RSF1: variants seen among roughly 807,000 people sequenced by gnomAD.
RSF1 encodes HBV pX-associated protein 8.
Under a neutral mutation model 145.2 loss-of-function variants are expected in RSF1, and 13 were observed. The observed-to-expected ratio is 0.09, with a 90% CI of 0.06 to 0.14. The LOEUF is 0.14. Ranked by LOEUF, RSF1 falls within the 10% of genes least tolerant of loss-of-function variation. The pLI, the probability that RSF1 is intolerant of heterozygous loss-of-function variation, is 1.00. For missense variants in RSF1, 1,517 were observed against 1,718.2 expected, an observed-to-expected ratio of 0.88 and a Z score of 2.07; for synonymous variants, 577 against 592.6, an observed-to-expected ratio of 0.97 and a Z score of 0.38.
chr11:77,772,353 G>A (rs943173273), intron 1 of RSF1, among the ~76,000 whole-genome samples: 2 of 151,888 alleles, frequency 1.3e-5, no homozygotes, highest in African/African-American at 4.8e-5. Flanking sequence ...TAATTTTTTT[G>A]TGTACAGACA....
intron 3 of RSF1, among the ~76,000 whole-genome samples, chr11:77,742,006 G>A (rs1947944698): frequency 6.6e-6 from 1 of 152,124 alleles, no homozygotes; most frequent in Non-Finnish European, 1.5e-5. Context: ...GTGTTGTCAC[G>A]AAAGCAGGAA....
chr11:77,665,396 G>C lies in RSF1; in HGVS notation c.*1521C>G, dbSNP rs1959336665. 6.6e-6 allele frequency: 1 copy of C among 152,186 alleles called. No individual in the cohort carries two copies. Among genetic ancestry groups the C allele is most frequent in the Non-Finnish European group, 1.5e-5 (1 of 68,050 alleles). 9.4% of individuals were successfully genotyped at this position (152,186 alleles called of 1,614,324 possible). ...AGTATTCACAGAAGTAATGGTTGAA[G>C]GTTTCAGGATTTAACAGGCTAGGTT... On this transcript the variant is annotated 3_prime_UTR_variant, in exon 16 of 16. Transcript: ENST00000308488.
At chr11:77,674,293 A>G (rs187337762) in intron 14 of RSF1, among the ~76,000 whole-genome samples, 6 of 152,356 alleles carry the variant, frequency 3.9e-5, no homozygotes, top group Admixed American at 3.3e-4. Context: ...CAATTTGCCA[A>G]TTACATAAAG....
At chr11:77,705,233 AG>A (rs1960520602) in intron 5 of RSF1, among the ~76,000 whole-genome samples, 1 of 152,256 alleles carries the variant, frequency 6.6e-6, no homozygotes, top group African/African-American at 2.4e-5. Context: ...GTTTGTCAAA[AG>A]AAAGTTGTAA....
intron 2 of RSF1, among the ~76,000 whole-genome samples, chr11:77,756,373 A>G (rs1008663187): frequency 1.3e-5 from 2 of 152,018 alleles, no homozygotes; most frequent in East Asian, 1.9e-4. Flanking sequence ...AAAAAAAAAA[A>G]AAAGAAAAAC....
At chr11:77,802,796 C>T (rs1450771782) in intron 1 of RSF1, among the ~76,000 whole-genome samples, 1 of 152,130 alleles carries the variant, frequency 6.6e-6, no homozygotes, top group Non-Finnish European at 1.5e-5. Context: ...GGTGATCCAT[C>T]CGCCTTGGCC....
chr11:77,780,840 A>AAG (rs1948396012), intron 1 of RSF1, among the ~76,000 whole-genome samples: 2 of 151,330 alleles, frequency 1.3e-5, no homozygotes, highest in East Asian at 1.9e-4. Context: ...AAAAAAAAAA[A>AAG]AGAGACTATG....
chr11:77,810,868 T>C (rs980218910), intron 1 of RSF1, among the ~76,000 whole-genome samples: 2 of 152,206 alleles, frequency 1.3e-5, no homozygotes, highest in African/African-American at 4.8e-5. Context: ...TAAAGATCAG[T>C]AAATTTTTTT....
In RSF1 at chr11:77,737,138, T is replaced by G. The variant is rs112845055; in HGVS notation, c.578+3593A>C. Reference sequence around the variant, plus strand: ...ACCTGGCACCATTTTCTAAAGAAATTTGTGGTTGTGAAAATGAGAAAACTA... The same window carrying G: ...ACCTGGCACCATTTTCTAAAGAAATGTGTGGTTGTGAAAATGAGAAAACTA... On this transcript the variant is annotated intron_variant, in intron 4 of 15. Coordinates refer to ENST00000308488, the MANE Select transcript of RSF1 (RefSeq NM_016578.4). Among the ~76,000 whole-genome samples, 4 of 151,946 alleles carry G rather than the reference T, an allele frequency of 2.6e-5. No homozygotes were observed. The East Asian group carries it at 5.8e-4, about 22-fold the overall frequency.
rs1948262149 is a variant in RSF1 at position 77,769,656 on chromosome 11, G to GT, written c.188-4968dup. 2.0e-5 allele frequency among the ~76,000 whole-genome samples: 3 copies of GT among 152,278 alleles called. 1 individual carries two copies. The South Asian group carries it at 6.2e-4, about 32-fold the overall frequency. ...ATTACTGATCCAATTACTCAAAGAT[G>GT]TTTTATATTTTGACATTTTTCTAAG... is the stretch of plus-strand genomic sequence containing the variant. On this transcript the variant is annotated intron_variant, in intron 1 of 15. Coordinates refer to ENST00000308488, the MANE Select transcript of RSF1 (RefSeq NM_016578.4).
the RSF1 span, among the ~76,000 whole-genome samples, chr11:77,831,052 G>A: frequency 6.6e-6 from 1 of 150,486 alleles, no homozygotes; most frequent in Admixed American, 6.6e-5. Flanking sequence ...CCAGCTACTT[G>A]AGAAGCTGAG....
upstream of RSF1, among the ~76,000 whole-genome samples, chr11:77,822,884 A>G (rs753873215): frequency 7.9e-5 from 12 of 152,216 alleles, no homozygotes; most frequent in Admixed American, 1.3e-4. Context: ...GGCATATTTT[A>G]TGTTACATGT....
In RSF1 at chr11:77,758,183, T is replaced by C. The variant is rs1264072314; in HGVS notation, c.279+6415A>G. Among the ~76,000 whole-genome samples, 4 of 151,232 alleles carry C rather than the reference T, an allele frequency of 2.6e-5. No individual in the cohort carries two copies. The East Asian group carries it at 5.8e-4, about 22-fold the overall frequency. On this transcript the variant is annotated intron_variant, in intron 2 of 15. Transcript: ENST00000308488. Reference sequence around the variant, plus strand: ...AAGGTAGATTCAGATTGTACATGTATCTTAGGAAAGCAATAACAAGTCTAC... The same window carrying C: ...AAGGTAGATTCAGATTGTACATGTACCTTAGGAAAGCAATAACAAGTCTAC...
intron 2 of RSF1, among the ~76,000 whole-genome samples, chr11:77,754,159 G>A (rs1483672807): frequency 6.6e-6 from 1 of 152,166 alleles, no homozygotes; most frequent in Non-Finnish European, 1.5e-5. Flanking sequence ...CATGATGGAG[G>A]TTATATCCTA....
chr11:77,792,361 C>T lies in RSF1; in HGVS notation c.188-27672G>A, dbSNP rs1316401712. ...CAAACCATATCCAAGCCCAAGAACC[C>T]ACCCCCACTCTCCCAGCCCATGCTG... On this transcript the variant is annotated intron_variant, in intron 1 of 15. Coordinates refer to ENST00000308488, the MANE Select transcript of RSF1 (RefSeq NM_016578.4). 2.6e-5 allele frequency among the ~76,000 whole-genome samples: 4 copies of T among 152,084 alleles called. No individual in the cohort carries two copies. In the South Asian group the frequency reaches 8.3e-4, roughly 32 times the overall value.
At chr11:77,706,314 T>C (rs115274205) in intron 5 of RSF1, among the ~76,000 whole-genome samples, 341 of 152,150 alleles carry the variant, frequency 2.2e-3, no homozygotes, top group African/African-American at 7.8e-3. Context: ...CACCTCCACC[T>C]TGGCCAGCTG....
chr11:77,740,756 C>T lies in RSF1; in HGVS notation c.553G>A (p.Gly185Ser), dbSNP rs375013445. 1.4e-5 allele frequency: 22 copies of T among 1,613,842 alleles called. No homozygotes were observed. Among genetic ancestry groups the T allele is most frequent in the Non-Finnish European group, 1.8e-5 (21 of 1,179,890 alleles). Residue 185 changes from glycine to serine, a missense_variant, in exon 4 of 16, where the codon GGC becomes AGC. Gly to Ser is a moderately conservative substitution (Grantham distance 56). This residue lies in a region of RSF1 where 94 missense variants were observed against 143.6 expected (regional missense o/e 0.65). Coordinates refer to ENST00000308488, the MANE Select transcript of RSF1 (RefSeq NM_016578.4). ...CTGACAATGCATTTCCATGAAGAGC[C>T]ATCTTGATCATCTTGTTCTTCTATG... ...MYIEEQDDQD[G>S]SSWKCIVRNR... is the part of the protein sequence containing the mutation.
At chr11:77,681,372 T>G (rs748027167) in intron 11 of RSF1, among the ~76,000 whole-genome samples, 1 of 152,236 alleles carries the variant, frequency 6.6e-6, no homozygotes, top group African/African-American at 2.4e-5. Context: ...AAACATGATA[T>G]GTATTTCATT....
intron 1 of RSF1, among the ~76,000 whole-genome samples, chr11:77,780,812 G>T (rs548965758): frequency 4.4e-4 from 55 of 125,462 alleles, no homozygotes; most frequent in Non-Finnish European, 8.5e-4. Flanking sequence ...GTGACAGAGC[G>T]AGACTCCGTC....
Sources: allele counts gnomAD v4.1 joint callset (sites outside exome capture counted in the v4.1 genomes callset), GRCh38; gene constraint gnomAD v4.1.1; regional missense constraint gnomAD v4.1.1; transcripts MANE v1.5; gene names NCBI Gene and HGNC (gene_info 2026-07-23, HGNC 2026-07-21).